The following ABHD10 variants were observed in gnomAD, a reference collection of about 807,000 sequenced individuals.
ABHD10 encodes abhydrolase domain containing 10, depalmitoylase, also known as palmitoyl-protein thioesterase ABHD10, mitochondrial.
A neutral mutation model predicts 33.1 loss-of-function variants in ABHD10; 22 were observed. The ratio of observed to expected loss-of-function variants is 0.66; its 90% confidence interval spans 0.47 to 0.95. ABHD10 has a LOEUF of 0.95. Ranked by LOEUF, ABHD10 falls within the 40% of genes least tolerant of loss-of-function variation. The pLI, the probability that ABHD10 is intolerant of heterozygous loss-of-function variation, is 0.00. For synonymous variants in ABHD10, 146 were observed against 133.9 expected (o/e 1.09, Z -0.62); for missense variants, 352 against 379.9 (o/e 0.93, Z 0.61).
chr3:111,982,288 C>A (rs1577247932), intron 2 of ABHD10: 3 of 189,566 alleles, frequency 1.6e-5, no homozygotes, highest in East Asian at 2.5e-4. Context: ...CTTATATTAT[C>A]ATTTTCCACT....
At chr3:111,985,996 CAGG>C (rs1461771850) in intron 2 of ABHD10, among the ~76,000 whole-genome samples, 1 of 152,066 alleles carries the variant, frequency 6.6e-6, no homozygotes, top group African/African-American at 2.4e-5. Context: ...AAAATGCAAA[CAGG>C]AGACTTTTTA....
chr3:111,990,737 C>T (rs1327402306), intron 4 of ABHD10: 3 of 1,410,048 alleles, frequency 2.1e-6, no homozygotes, highest in Admixed American at 2.3e-5. Context: ...TTACATTCAG[C>T]CTAAAATTGC....
intron 4 of ABHD10, among the ~76,000 whole-genome samples, chr3:111,988,618 G>A (rs1193941407): frequency 6.6e-5 from 10 of 151,852 alleles, no homozygotes; most frequent in African/African-American, 1.7e-4. Context: ...GGTTTTTAGG[G>A]TATCTCTGTT....
chr3:111,989,984 T>A (rs1244957210), intron 4 of ABHD10, among the ~76,000 whole-genome samples: 3 of 152,038 alleles, frequency 2.0e-5, no homozygotes, highest in Non-Finnish European at 4.4e-5. Context: ...AAACTTTAAA[T>A]TTTTCAAATA....
intron 1 of ABHD10, among the ~76,000 whole-genome samples, chr3:111,979,849 G>T (rs2072557774): frequency 6.6e-6 from 1 of 152,210 alleles, no homozygotes; most frequent in Non-Finnish European, 1.5e-5. Flanking sequence ...GATGATGCAT[G>T]GTGCTTGGAG....
At chr3:111,980,485 T>TA (rs1287858037) in intron 1 of ABHD10, among the ~76,000 whole-genome samples, 2 of 152,048 alleles carry the variant, frequency 1.3e-5, no homozygotes, top group Non-Finnish European at 2.9e-5. Context: ...TCATTTAATA[T>TA]AAAAAAAGAA....
chr3:111,987,214 C>T (rs1274301566), intron 4 of ABHD10, among the ~76,000 whole-genome samples, 163 bp downstream of exon 4: 1 of 152,222 alleles, frequency 6.6e-6, no homozygotes, highest in Non-Finnish European at 1.5e-5. Context: ...AACCTCTTTT[C>T]TATCTTTAAC....
intron 1 of ABHD10, 78 bp downstream of exon 1, chr3:111,979,281 G>A (rs2072545915): frequency 1.4e-6 from 2 of 1,455,338 alleles, no homozygotes; most frequent in East Asian, 4.9e-5. Flanking sequence ...CCTGTGCAGT[G>A]CGTCTTTGGC....
At chr3:111,984,689 A>G (rs2072631632) in intron 2 of ABHD10, among the ~76,000 whole-genome samples, 2 of 152,242 alleles carry the variant, frequency 1.3e-5, no homozygotes, top group African/African-American at 4.8e-5. Flanking sequence ...TGTATATCAC[A>G]GGGAGCACTG....
chr3:111,981,892 A>C lies in ABHD10; in HGVS notation c.251A>C (p.Tyr84Ser). 1 of 1,608,806 alleles carries C rather than the reference A, an allele frequency of 6.2e-7. No individual in the cohort carries two copies. Among genetic ancestry groups the C allele is most frequent in the South Asian group, 1.1e-5 (1 of 90,300 alleles). The change falls in exon 2 of 5, where the codon TAT becomes TCT. Residue 84 changes from tyrosine (Y) to serine (S), a missense_variant. Tyr to Ser is a moderately radical substitution (Grantham distance 144). Coordinates refer to ENST00000273359, the MANE Select transcript of ABHD10 (RefSeq NM_018394.4). ...KSPGIIFIPGYLSYMNGTKAL... is the reference protein window; with the variant it reads ...KSPGIIFIPGSLSYMNGTKAL... ...CCAGGAATTATCTTCATCCCTGGCT[A>C]TCTTTCTTATATGAATGGTACAAAA...
chr3:111,979,543 A>C (rs1331308525), intron 1 of ABHD10, among the ~76,000 whole-genome samples: 3 of 152,256 alleles, frequency 2.0e-5, no homozygotes, highest in Non-Finnish European at 4.4e-5. Context: ...TACTTCTAGG[A>C]ATTTGTAGAT....
At chr3:111,987,172 C>A in intron 4 of ABHD10, 121 bp downstream of exon 4, 1 of 1,131,818 alleles carries the variant, frequency 8.8e-7, no homozygotes. Context: ...CTGTGCTGGC[C>A]CAACTTTTGT....
Position 111,991,437 on chromosome 3 carries a change from G to C in ABHD10, c.637G>C (p.Gly213Arg). The change falls in exon 5 of 5, where the codon GGA becomes CGA. Residue 213 changes from glycine (G) to arginine (R), a missense_variant. Coordinates refer to ENST00000273359, the MANE Select transcript of ABHD10 (RefSeq NM_018394.4). ...WSMPSKYSEE[G>R]VYNVQYSFIK... is the part of the protein sequence containing the mutation. ...CATGCCATCAAAATACTCTGAAGAA[G>C]GAGTTTATAACGTTCAGTACAGTTT... 6.2e-7 allele frequency: 1 copy of C among 1,613,632 alleles called. No individual in the cohort carries two copies. The highest frequency in any genetic ancestry group is 8.5e-7 in the Non-Finnish European group (1 of 1,179,842).
rs542902418 is a variant in ABHD10, at chr3:111,989,717, CATG to C, written c.577-1657_577-1655del. On this transcript the variant is annotated intron_variant, in intron 4 of 4. Coordinates refer to ENST00000273359, the MANE Select transcript of ABHD10 (RefSeq NM_018394.4). The stretch of plus-strand genomic sequence containing the variant: ...TATGTTGTTTTAATACAGAGAATGC[CATG>C]ATATTGATATAGATTTATATACATT... 3.8e-4 allele frequency among the ~76,000 whole-genome samples: 58 copies of C among 151,984 alleles called. No individual in the cohort carries two copies. In the South Asian group the frequency reaches 0.012, roughly 31 times the overall value.
Position 111,990,408 on chromosome 3 carries a change from G to A in ABHD10, c.577-969G>A, listed in dbSNP as rs142374125. Reference sequence around the variant, plus strand: ...ATAGACAAATATTGGAAGGAAATAAGCCATATATTAATGGTTTTTCTCTCC... The same window carrying A: ...ATAGACAAATATTGGAAGGAAATAAACCATATATTAATGGTTTTTCTCTCC... On this transcript the variant is annotated intron_variant, in intron 4 of 4. Transcript: ENST00000273359. Among the ~76,000 whole-genome samples the A allele has an allele frequency of 4.2e-3, 634 of 151,996 alleles. 2 individuals carry two copies. The highest frequency in any genetic ancestry group is 0.015 in the African/African-American group (610 of 41,506).
At chr3:111,986,219 A>G in intron 2 of ABHD10, 45 bp from the exon 3 acceptor site, 2 of 1,043,588 alleles carry the variant, frequency 1.9e-6, no homozygotes, top group Non-Finnish European at 1.5e-6. Flanking sequence ...TTAAAGAAGC[A>G]GATATATAGA....
chr3:111,991,353 TA>T, intron 4 of ABHD10, 23 bp from the exon 5 acceptor site: 1 of 1,553,908 alleles, frequency 6.4e-7, no homozygotes, highest in Non-Finnish European at 8.7e-7. Flanking sequence ...CAAATACTTT[TA>T]TTTTTCTTTC....
chr3:111,990,010 T>C (rs559522101), intron 4 of ABHD10, among the ~76,000 whole-genome samples: 1 of 152,180 alleles, frequency 6.6e-6, no homozygotes, highest in African/African-American at 2.4e-5. Context: ...AGCTTTTCTT[T>C]CCTTATTTTT....
rs1031307617 is a variant in ABHD10, at chr3:111,992,504, G to A, written c.*783G>A. ...ATTAATATTGCCCTAAGTACAACTA[G>A]GCAAGTGATTGCCACCTAAATCAGA... is the stretch of plus-strand genomic sequence containing the variant. On this transcript the variant is annotated 3_prime_UTR_variant, in exon 5 of 5. Transcript: ENST00000273359. 2 of 151,900 alleles carry A rather than the reference G, an allele frequency of 1.3e-5. No individual in the cohort carries two copies. The allele number at this position is 151,900 out of a possible 1,614,324, so 9.4% of individuals were successfully genotyped here. A position where few individuals can be genotyped will look rare whatever the true frequency, so the allele number is the denominator to read the frequency against.
Sources: gnomAD v4.1 joint callset for allele counts (sites outside exome capture counted in the v4.1 genomes callset) on GRCh38, gnomAD v4.1.1 for gene constraint, MANE v1.5 for transcripts, NCBI Gene and HGNC (gene_info 2026-07-23, HGNC 2026-07-21) for gene names.